ATL2: variants seen among roughly 807,000 people sequenced by gnomAD.
The protein encoded by ATL2 is atlastin GTPase 2.
In ATL2, 31 loss-of-function variants were observed where a neutral mutation model predicts 73.9. The ratio of observed to expected loss-of-function variants is 0.42; its 90% CI spans 0.32 to 0.57. The LOEUF (loss-of-function observed/expected upper bound fraction) is 0.57. ATL2 is among the 20% of genes least tolerant of loss of function. The probability of loss-of-function intolerance (pLI) is 0.14; values close to 1 mark genes in which losing one functional copy is unlikely to be tolerated. For synonymous variants in ATL2, 291 were observed against 237.5 expected (o/e 1.23, Z -2.07); for missense variants, 738 against 702.6 (o/e 1.05, Z -0.57).
In ATL2 at chr2:38,376,326, C is replaced by T; in HGVS notation, c.118+817G>A. On this transcript the variant is annotated intron_variant, in intron 1 of 12. Transcript: ENST00000378954. ...CGTCTTCGAGGGGGCAGGGGCGCTC[C>T]TGGTACACGTACAGTAGGAGCTCAC... The T allele has an allele frequency of 5.1e-6, 6 of 1,167,380 alleles. No individual in the cohort carries two copies. The Middle Eastern group carries it at 8.3e-4, about 162-fold the overall frequency. 72.3% of individuals were successfully genotyped at this position (1,167,380 alleles called of 1,614,324 possible).
chr2:38,368,415 G>A (rs1034430814), intron 1 of ATL2, among the ~76,000 whole-genome samples: 3 of 151,982 alleles, frequency 2.0e-5, no homozygotes, highest in African/African-American at 7.3e-5. Context: ...ACCACGCCCG[G>A]CTAATTTTGT....
chr2:38,299,394 C>A, intron 10 of ATL2, 67 bp from the exon 11 acceptor site: 2 of 1,443,340 alleles, frequency 1.4e-6, no homozygotes, highest in South Asian at 2.9e-5. Context: ...CTGATTAACA[C>A]AATAAGTTAT....
intron 1 of ATL2, among the ~76,000 whole-genome samples, chr2:38,373,780 A>AT (rs1671815013): frequency 6.6e-6 from 1 of 152,248 alleles, no homozygotes; most frequent in Non-Finnish European, 1.5e-5. Context: ...CTCCATGACC[A>AT]TAACAAACAG....
intron 2 of ATL2, among the ~76,000 whole-genome samples, chr2:38,331,874 T>C (rs1457726766): frequency 1.3e-5 from 2 of 151,784 alleles, no homozygotes; most frequent in East Asian, 1.9e-4. Flanking sequence ...TAACATTATA[T>C]ATTAATATGA....
At chr2:38,338,791 T>C (rs1669524557) in intron 2 of ATL2, among the ~76,000 whole-genome samples, 1 of 152,138 alleles carries the variant, frequency 6.6e-6, no homozygotes, top group South Asian at 2.1e-4. Context: ...TACCCCCAGA[T>C]ACAATGTGAT....
At chr2:38,306,977 T>C (rs1012211286) in intron 9 of ATL2, among the ~76,000 whole-genome samples, 2 of 152,172 alleles carry the variant, frequency 1.3e-5, no homozygotes, top group Non-Finnish European at 2.9e-5. Context: ...GGAATGAAAC[T>C]AGACCCCATC....
chr2:38,361,470 G>A (rs553236806), intron 1 of ATL2, among the ~76,000 whole-genome samples: 76 of 151,824 alleles, frequency 5.0e-4, no homozygotes, highest in Middle Eastern at 6.8e-3. Context: ...ATATACAAAT[G>A]TTATAAGCTA....
intron 12 of ATL2, among the ~76,000 whole-genome samples, chr2:38,297,569 G>C (rs988066898): frequency 1.2e-4 from 19 of 152,182 alleles, no homozygotes; most frequent in African/African-American, 3.6e-4. Context: ...GACGGAGCAT[G>C]GTTCTCTGTT....
intron 2 of ATL2, among the ~76,000 whole-genome samples, chr2:38,330,807 G>C (rs187331134): frequency 2.6e-4 from 39 of 152,260 alleles, no homozygotes; most frequent in Admixed American, 1.8e-3. Flanking sequence ...TTCCCAAATT[G>C]ATCTTTCAGA....
rs188144869 is a variant in ATL2 at position 38,305,286 on chromosome 2, T to G, written c.1071+4093A>C. ...GCTCATGCCTGTAATCCCAGCACTT[T>G]GGGAGGCCAAGGCAGGTGGACCACT... On this transcript the variant is annotated intron_variant, in intron 9 of 12. Coordinates refer to ENST00000378954, the MANE Select transcript of ATL2 (RefSeq NM_001135673.4). 2.5e-3 allele frequency among the ~76,000 whole-genome samples: 382 copies of G among 152,314 alleles called. 4 individuals carry two copies. Among genetic ancestry groups the G allele is most frequent in the African/African-American group, 8.4e-3 (349 of 41,562 alleles).
intron 7 of ATL2, among the ~76,000 whole-genome samples, chr2:38,311,381 C>G (rs1026731926): frequency 2.0e-5 from 3 of 151,468 alleles, no homozygotes; most frequent in Non-Finnish European, 2.9e-5. Flanking sequence ...ATAACTCACA[C>G]AGTCTCCTAA....
intron 1 of ATL2, among the ~76,000 whole-genome samples, chr2:38,376,750 G>T (rs926770360): frequency 6.6e-6 from 1 of 151,952 alleles, no homozygotes; most frequent in Non-Finnish European, 1.5e-5. Context: ...CGCCGCGTCC[G>T]GAGCTCGCCG....
chr2:38,334,945 T>A (rs1341691330), intron 2 of ATL2, among the ~76,000 whole-genome samples: 26 of 139,076 alleles, frequency 1.9e-4, no homozygotes, highest in South Asian at 4.3e-4. Flanking sequence ...TATATAACAT[T>A]TATATAATAA....
intron 9 of ATL2, among the ~76,000 whole-genome samples, chr2:38,301,406 A>G (rs1475091951): frequency 1.3e-5 from 2 of 152,222 alleles, no homozygotes; most frequent in African/African-American, 2.4e-5. Flanking sequence ...AACCACCTTC[A>G]TAAGAACCAA....
chr2:38,300,992 A>G (rs1019007577), intron 9 of ATL2, among the ~76,000 whole-genome samples: 4 of 132,304 alleles, frequency 3.0e-5, no homozygotes, highest in African/African-American at 1.7e-4. Flanking sequence ...TTTTTTGAGA[A>G]GGAATTTCGC....
intron 2 of ATL2, among the ~76,000 whole-genome samples, chr2:38,328,297 T>C (rs898942840): frequency 2.6e-4 from 39 of 152,292 alleles, no homozygotes; most frequent in African/African-American, 5.5e-4. Flanking sequence ...TCCAATAACA[T>C]AGTCGAGCTG....
chr2:38,350,350 T>G (rs947719280), intron 1 of ATL2, among the ~76,000 whole-genome samples: 1 of 152,094 alleles, frequency 6.6e-6, no homozygotes, highest in African/African-American at 2.4e-5. Flanking sequence ...TCTCCACACA[T>G]TAACACTAAG....
intron 1 of ATL2, among the ~76,000 whole-genome samples, chr2:38,373,426 CT>C (rs1165972455): frequency 6.6e-6 from 1 of 152,194 alleles, no homozygotes; most frequent in Non-Finnish European, 1.5e-5. Flanking sequence ...TTTTATTAAG[CT>C]AGTAGCTTAG....
chr2:38,377,217 T>A lies in ATL2; in HGVS notation c.44A>T (p.Gln15Leu). Residue 15 changes from glutamine to leucine, a missense_variant, in exon 1 of 13, where the codon CAG (glutamine) becomes CTG (leucine). Coordinates refer to ENST00000378954, the MANE Select transcript of ATL2 (RefSeq NM_001135673.4). ...DEAARGQQPH[Q>L]GLWRRRRTSD... ...GGTCCGTCGCCGGCGCCACAGCCCC[T>A]GGTGCGGTTGCTGCCCTCGCGCTGC... The A allele has an allele frequency of 6.2e-7, 1 of 1,607,534 alleles. No homozygotes were observed. The highest frequency in any genetic ancestry group is 8.5e-7 in the Non-Finnish European group (1 of 1,177,844).
Sources: gnomAD v4.1 joint callset for allele counts (sites outside exome capture counted in the v4.1 genomes callset) on GRCh38, gnomAD v4.1.1 for gene constraint, MANE v1.5 for transcripts, NCBI Gene and HGNC (gene_info 2026-07-23, HGNC 2026-07-21) for gene names.